The following KIAA1217 variants were observed in gnomAD, a reference collection of about 807,000 sequenced individuals.
KIAA1217 encodes the protein KIAA1217, also known as sickle tail protein homolog.
In KIAA1217, 88 loss-of-function variants were observed where a neutral mutation model predicts 163.9. The ratio of observed to expected loss-of-function variants is 0.54; its 90% CI spans 0.45 to 0.64. The LOEUF (loss-of-function observed/expected upper bound fraction) is 0.64, where lower values mean the gene tolerates loss of function less well. Ranked by LOEUF, KIAA1217 falls within the 30% of genes least tolerant of loss-of-function variation. The probability of loss-of-function intolerance (pLI) is 0.00; values close to 1 mark genes in which losing one functional copy is unlikely to be tolerated. For missense variants in KIAA1217, 2,372 were observed against 2,475.0 expected (o/e 0.96, Z 0.88); for synonymous variants, 903 against 923.1 (o/e 0.98, Z 0.39).
intron 1 of KIAA1217, among the ~76,000 whole-genome samples, chr10:23,791,704 T>G (rs11013709): frequency 0.019 from 2,905 of 152,320 alleles, 95 homozygotes; most frequent in African/African-American, 0.066. Context: ...TTTCTGTCAT[T>G]TGTCTCCTAG....
rs192479420 is a variant in KIAA1217, at chr10:23,971,169, C to T, written c.-320-36056C>T. Among the ~76,000 whole-genome samples the T allele has an allele frequency of 3.9e-5, 6 of 152,236 alleles. No homozygotes were observed. In the East Asian group the frequency reaches 5.8e-4, roughly 15 times the overall value. On this transcript the variant is annotated intron_variant, in intron 1 of 18. Transcript: ENST00000376462. ...TGGCCTGCCCGCCCTTGGGAGGGGC[C>T]GCGTGCACAGTGTGTTTATGAGGTT... is the stretch of plus-strand genomic sequence containing the variant.
At chr10:24,265,573 G>A (rs937615172) in intron 2 of KIAA1217, among the ~76,000 whole-genome samples, 1 of 152,092 alleles carries the variant, frequency 6.6e-6, no homozygotes, top group African/African-American at 2.4e-5. Flanking sequence ...AGGGGCATTG[G>A]GCAGCCGGCC....
intron 3 of KIAA1217, among the ~76,000 whole-genome samples, chr10:24,383,751 G>A (rs548118174): frequency 1.2e-4 from 18 of 152,226 alleles, no homozygotes; most frequent in Non-Finnish European, 2.5e-4. Flanking sequence ...CAGAAAATGA[G>A]GCTGGCACTG....
At chr10:23,905,840 G>T (rs537213133) in intron 1 of KIAA1217, among the ~76,000 whole-genome samples, 88 of 152,264 alleles carry the variant, frequency 5.8e-4, no homozygotes, top group Non-Finnish European at 9.7e-4. Flanking sequence ...GGAAGTGTGT[G>T]CACACAAGCA....
chr10:24,169,898 C>G (rs78328692), intron 2 of KIAA1217, among the ~76,000 whole-genome samples: 1 of 151,866 alleles, frequency 6.6e-6, no homozygotes, highest in Non-Finnish European at 1.5e-5. Context: ...ATTAAAAAAA[C>G]GAAAAAACAC....
intron 2 of KIAA1217, among the ~76,000 whole-genome samples, chr10:24,163,027 G>T (rs1294559749): frequency 6.6e-6 from 1 of 152,144 alleles, no homozygotes; most frequent in Non-Finnish European, 1.5e-5. Context: ...AATCACTTCT[G>T]TTATATTCTA....
intron 2 of KIAA1217, among the ~76,000 whole-genome samples, chr10:24,177,258 C>CATATATATATATATATATAT (rs1210930891): frequency 1.2e-4 from 3 of 25,150 alleles, no homozygotes; most frequent in African/African-American, 3.6e-4. Context: ...CTCTCACCAT[C>CATATATATATATATATATAT]ATATATATAT....
At chr10:23,892,002 C>T (rs1327624456) in intron 1 of KIAA1217, among the ~76,000 whole-genome samples, 1 of 151,780 alleles carries the variant, frequency 6.6e-6, no homozygotes. Context: ...AAGTACATGT[C>T]AGTTTTTCTC....
chr10:24,473,889 G>A lies in KIAA1217; in HGVS notation c.1508G>A (p.Arg503Gln), dbSNP rs766115329. The change falls in exon 6 of 21, where the codon CGG becomes CAG. Residue 503 changes from arginine to glutamine, a missense_variant. Physicochemically the swap from Arg to Gln is conservative, Grantham distance 43. Transcript: ENST00000376454. The part of the protein sequence containing the change: ...HGPPHTMQPD[R>Q]ASPSRQAFKK... ...CCCCCTCACACCATGCAGCCAGACC[G>A]GGCCTCTCCGAGCCGCCAGGCCTTT... 18 of 1,613,972 alleles carry A rather than the reference G, an allele frequency of 1.1e-5. No homozygotes were observed. Among genetic ancestry groups the A allele is most frequent in the East Asian group, 6.7e-5 (3 of 44,872 alleles).
chr10:24,215,164 T>G (rs1164051225), intron 1 of KIAA1217, among the ~76,000 whole-genome samples: 1 of 152,230 alleles, frequency 6.6e-6, no homozygotes, highest in Non-Finnish European at 1.5e-5. Flanking sequence ...TTAGCATTTC[T>G]GCCTGCCTTG....
Position 24,407,257 on chromosome 10 carries a change from C to CGTGTGT in KIAA1217, c.554-25714_554-25709dup, listed in dbSNP as rs10545826. On this transcript the variant is annotated intron_variant, in intron 3 of 20. Coordinates refer to ENST00000376454, the MANE Select transcript of KIAA1217 (RefSeq NM_019590.5). ...TTACTTTGTGTCCTTGATGAAGATA[C>CGTGTGT]GTGTGTGTGTGTGTGTGTGTGTGTG... Among the ~76,000 whole-genome samples the CGTGTGT allele has an allele frequency of 1.0e-3, 155 of 147,818 alleles. 1 individual carries two copies. Among genetic ancestry groups the CGTGTGT allele is most frequent in the African/African-American group, 3.4e-3 (140 of 40,602 alleles).
chr10:24,364,583 C>T (rs972454032), intron 2 of KIAA1217, among the ~76,000 whole-genome samples: 4 of 152,078 alleles, frequency 2.6e-5, no homozygotes, highest in Non-Finnish European at 4.4e-5. Flanking sequence ...GGGCTTCCTA[C>T]GTCTCCAGCA....
chr10:24,402,270 G>A (rs1177265325), intron 3 of KIAA1217, among the ~76,000 whole-genome samples: 1 of 152,098 alleles, frequency 6.6e-6, no homozygotes, highest in African/African-American at 2.4e-5. Context: ...ACTTTGGGAG[G>A]CCAAGGCGGG....
intron 1 of KIAA1217, among the ~76,000 whole-genome samples, chr10:23,894,239 C>A (rs1179023570): frequency 2.6e-5 from 4 of 151,456 alleles, no homozygotes; most frequent in Non-Finnish European, 4.4e-5. Flanking sequence ...ATCTAGAAAA[C>A]CCCATTGTCT....
intron 1 of KIAA1217, among the ~76,000 whole-genome samples, chr10:23,827,391 ATAT>A (rs2131029822): frequency 6.6e-6 from 1 of 152,272 alleles, no homozygotes; most frequent in South Asian, 2.1e-4. Flanking sequence ...ACCTGTCCTT[ATAT>A]TATTATTGGA....
intron 1 of KIAA1217, among the ~76,000 whole-genome samples, chr10:23,942,945 CAA>C (rs112348727): frequency 0.093 from 9,375 of 100,740 alleles, 596 homozygotes; most frequent in African/African-American, 0.2. Context: ...CTGTCTGTAC[CAA>C]AAAAAAAAAA....
At chr10:24,401,631 C>T (rs577840074) in intron 3 of KIAA1217, among the ~76,000 whole-genome samples, 4 of 152,348 alleles carry the variant, frequency 2.6e-5, no homozygotes, top group South Asian at 2.1e-4. Flanking sequence ...CAGAAACCTA[C>T]AGCCAACATC....
intron 2 of KIAA1217, among the ~76,000 whole-genome samples, chr10:24,112,593 AT>A (rs944911327): frequency 2.0e-5 from 3 of 150,200 alleles, no homozygotes; most frequent in Non-Finnish European, 4.5e-5. Flanking sequence ...ATTTTATTTT[AT>A]TTTTTTTTGA....
intron 1 of KIAA1217, among the ~76,000 whole-genome samples, chr10:23,891,005 T>A (rs1841394687): frequency 6.6e-6 from 1 of 152,014 alleles, no homozygotes; most frequent in Non-Finnish European, 1.5e-5. Context: ...TTAACTCAAC[T>A]AATATCTTTT....
Sources: allele counts gnomAD v4.1 joint callset (sites outside exome capture counted in the v4.1 genomes callset), GRCh38; gene constraint gnomAD v4.1.1; transcripts MANE v1.5; gene names NCBI Gene and HGNC (gene_info 2026-07-23, HGNC 2026-07-21).